KIAA0586: variants seen among roughly 807,000 people sequenced by gnomAD.
The protein encoded by KIAA0586 is KIAA0586.
Under a neutral mutation model 169.8 loss-of-function variants are expected in KIAA0586, and 144 were observed. The observed-to-expected ratio is 0.85, with a 90% confidence interval of 0.74 to 0.97. The LOEUF is 0.97. Among genes scored for constraint, KIAA0586 ranks in the 50% least tolerant of loss-of-function variants. The pLI is 0.00. For synonymous variants in KIAA0586, 625 were observed against 612.4 expected, an observed-to-expected ratio of 1.02 and a Z score of -0.30; for missense variants, 1,854 against 1,823.0, an observed-to-expected ratio of 1.02 and a Z score of -0.31.
At chr14:58,552,087 TA>T (rs1429576565), downstream of KIAA0586, among the ~76,000 whole-genome samples, 1 of 152,174 alleles carries the variant, frequency 6.6e-6, no homozygotes, top group East Asian at 1.9e-4. Context: ...GGACAGAGAT[TA>T]ACCATAAGAA....
chr14:58,457,414 T>C (rs993600865), intron 10 of KIAA0586, among the ~76,000 whole-genome samples: 2 of 151,994 alleles, frequency 1.3e-5, no homozygotes, highest in Non-Finnish European at 2.9e-5. Flanking sequence ...ATTACAAGGG[T>C]GTGCCACCAC....
At chr14:58,461,208 A>G (rs373998830) in intron 14 of KIAA0586, 48 bp downstream of exon 14, 3 of 1,290,184 alleles carry the variant, frequency 2.3e-6, no homozygotes, top group Non-Finnish European at 3.1e-6. Context: ...TAATAGTATC[A>G]GTTTAATATG....
At chr14:58,475,382 C>T (rs2041534820) in intron 19 of KIAA0586, among the ~76,000 whole-genome samples, 2 of 151,996 alleles carry the variant, frequency 1.3e-5, no homozygotes, top group Non-Finnish European at 2.9e-5. Context: ...ATCCCCCCAC[C>T]CCCTACCCCA....
At chr14:58,503,077 T>C (rs1289524493) in intron 27 of KIAA0586, among the ~76,000 whole-genome samples, 1 of 152,184 alleles carries the variant, frequency 6.6e-6, no homozygotes, top group Non-Finnish European at 1.5e-5. Flanking sequence ...AGGAGTTGTC[T>C]TGGGAAACCT....
At chr14:58,501,102 T>C (rs1176440819) in intron 27 of KIAA0586, among the ~76,000 whole-genome samples, 2 of 152,240 alleles carry the variant, frequency 1.3e-5, no homozygotes, top group Non-Finnish European at 2.9e-5. Flanking sequence ...ATGCCCATTG[T>C]TTCTTTCTCT....
intron 27 of KIAA0586, among the ~76,000 whole-genome samples, chr14:58,506,940 G>T (rs1406857446): frequency 6.6e-6 from 1 of 151,662 alleles, no homozygotes; most frequent in Non-Finnish European, 1.5e-5. Flanking sequence ...TTAGCCCAGG[G>T]GTTTCAGACC....
At chr14:58,491,117 A>G (rs1434439908) in intron 25 of KIAA0586, among the ~76,000 whole-genome samples, 1 of 152,216 alleles carries the variant, frequency 6.6e-6, no homozygotes, top group Non-Finnish European at 1.5e-5. Flanking sequence ...AAGCATTACT[A>G]ACATTCGGCC....
At chr14:58,525,073 T>C (rs2045484000) in intron 29 of KIAA0586, among the ~76,000 whole-genome samples, 1 of 152,166 alleles carries the variant, frequency 6.6e-6, no homozygotes, top group South Asian at 2.1e-4. Flanking sequence ...ACTCATGTTA[T>C]AATCAGCTCT....
intron 9 of KIAA0586, among the ~76,000 whole-genome samples, chr14:58,455,867 G>A (rs745654946): frequency 3.8e-4 from 58 of 152,026 alleles, no homozygotes; most frequent in Non-Finnish European, 7.2e-4. Context: ...CCCTGTATGT[G>A]GACTAGAAGG....
Position 58,547,803 on chromosome 14 carries a change from C to G in KIAA0586, c.4518C>G (p.Ser1506=). 1 of 1,613,564 alleles carries G rather than the reference C, an allele frequency of 6.2e-7. No individual in the cohort carries two copies. Among genetic ancestry groups the G allele is most frequent in the Non-Finnish European group, 8.5e-7 (1 of 1,179,634 alleles). The change falls in exon 31 of 31, where the codon TCC becomes TCG. Residue 1506 remains serine (S), a synonymous_variant. Coordinates refer to ENST00000652326, the MANE Select transcript of KIAA0586 (RefSeq NM_001329943.3). Reference sequence around the variant, plus strand: ...CAGGTGGGAAAGCAGTGCCACTCTCCGCTTCACAGATGCCCCCTGCCAAGA... The same window carrying G: ...CAGGTGGGAAAGCAGTGCCACTCTCGGCTTCACAGATGCCCCCTGCCAAGA... ...VFSGGKAVPL[S]ASQMPPAKMS...
At chr14:58,440,731 G>A (rs186880844) in intron 4 of KIAA0586, among the ~76,000 whole-genome samples, 56 of 152,224 alleles carry the variant, frequency 3.7e-4, no homozygotes, top group African/African-American at 1.3e-3. Flanking sequence ...TATGCTAAGT[G>A]AAATAAGCCA....
At chr14:58,526,046 G>A (rs1265689348) in intron 29 of KIAA0586, among the ~76,000 whole-genome samples, 1 of 152,232 alleles carries the variant, frequency 6.6e-6, no homozygotes, top group East Asian at 1.9e-4. Flanking sequence ...CTGAAAGAAA[G>A]GCAGCAGCCC....
chr14:58,460,974 T>C lies in KIAA0586; in HGVS notation c.1885-12T>C. ...TGTTTTCATGGTGAGTTGAATAACT[T>C]TGTACACACAGGGGCTTTTGAAAGC... On this transcript the variant is annotated splice_polypyrimidine_tract_variant and intron_variant, in intron 13 of 30. Coordinates refer to ENST00000652326, the MANE Select transcript of KIAA0586 (RefSeq NM_001329943.3). 1.3e-6 allele frequency: 2 copies of C among 1,562,942 alleles called. No individual in the cohort carries two copies. Among genetic ancestry groups the C allele is most frequent in the Non-Finnish European group, 1.7e-6 (2 of 1,159,742 alleles).
chr14:58,477,069 C>T (rs2041692292), intron 19 of KIAA0586, 54 bp from the exon 20 acceptor site: 4 of 966,126 alleles, frequency 4.1e-6, no homozygotes, highest in Admixed American at 2.1e-5. Flanking sequence ...ACATTTTTTA[C>T]ATTTCAATCA....
chr14:58,512,482 T>TA (rs2044458518), intron 28 of KIAA0586, 40 bp from the exon 29 acceptor site: 2 of 1,131,084 alleles, frequency 1.8e-6, no homozygotes, highest in Non-Finnish European at 2.4e-6. Flanking sequence ...TTTAAGTAAC[T>TA]AAAAAATAAT....
intron 8 of KIAA0586, 80 bp downstream of exon 8, chr14:58,450,826 G>A (rs2039310038): frequency 1.3e-6 from 1 of 786,776 alleles, no homozygotes; most frequent in Non-Finnish European, 2.1e-6. Context: ...AACTGAAGTG[G>A]GATCTCTATT....
intron 8 of KIAA0586, 132 bp downstream of exon 8, chr14:58,450,878 G>C: frequency 1.8e-6 from 1 of 567,362 alleles, no homozygotes; most frequent in East Asian, 2.9e-5. Flanking sequence ...GGAAAATCAA[G>C]CTTCTTTAGA....
intron 29 of KIAA0586, among the ~76,000 whole-genome samples, chr14:58,538,830 T>TA (rs1227012559): frequency 5.9e-5 from 9 of 152,106 alleles, no homozygotes; most frequent in Non-Finnish European, 1.3e-4. Context: ...TCCAGGCTGG[T>TA]AGGCAGTGGC....
In KIAA0586 at chr14:58,470,725, T is replaced by C. The variant is rs1242765593; in HGVS notation, c.2553+2T>C. 1.4e-6 allele frequency: 2 copies of C among 1,443,742 alleles called. No homozygotes were observed. Among genetic ancestry groups the C allele is most frequent in the East Asian group, 4.6e-5 (2 of 43,886 alleles). The allele number at this position is 1,443,742 out of a possible 1,614,324, so 89.4% of individuals were successfully genotyped here. ...CCTCCTGTGCAAACTTGGATAAAGG[T>C]ATATTTCAGAATTTTATCATATTAT... On this transcript the variant is annotated splice_donor_variant, in intron 17 of 30. Transcript: ENST00000652326. LOFTEE classifies it high-confidence loss of function.
Sources: allele counts gnomAD v4.1 joint callset (sites outside exome capture counted in the v4.1 genomes callset), GRCh38; gene constraint gnomAD v4.1.1; transcripts MANE v1.5; gene names NCBI Gene and HGNC (gene_info 2026-07-23, HGNC 2026-07-21).